The following EVI5 variants were observed in gnomAD, a reference collection of about 807,000 sequenced individuals.
EVI5 encodes ecotropic viral integration site 5 protein homolog.
In EVI5, 73 loss-of-function variants were observed where a neutral mutation model predicts 112.0. That is an observed-to-expected ratio of 0.65 (90% confidence interval 0.54 to 0.79). The LOEUF (loss-of-function observed/expected upper bound fraction) is 0.79, where lower values mean the gene tolerates loss of function less well. Among genes scored for constraint, EVI5 ranks in the 30% least tolerant of loss-of-function variants. The pLI is 0.00. For synonymous variants in EVI5, 305 were observed against 319.9 expected (o/e 0.95, Z 0.50); for missense variants, 900 against 968.8 (o/e 0.93, Z 0.94).
chr1:92,746,005 A>C (rs1256931444), intron 1 of EVI5, among the ~76,000 whole-genome samples: 2 of 152,220 alleles, frequency 1.3e-5, no homozygotes, highest in Non-Finnish European at 2.9e-5. Context: ...ACTAACTGAA[A>C]GCCTAAGTTG....
intron 11 of EVI5, among the ~76,000 whole-genome samples, chr1:92,664,485 T>TAAG (rs1553232364): frequency 6.9e-6 from 1 of 143,964 alleles, no homozygotes; most frequent in African/African-American, 2.6e-5. Context: ...TCCAAAGATT[T>TAAG]AAAAAAAAAA....
At chr1:92,703,148 A>G (rs1455128314) in intron 4 of EVI5, among the ~76,000 whole-genome samples, 2 of 152,092 alleles carry the variant, frequency 1.3e-5, no homozygotes, top group Non-Finnish European at 2.9e-5. Context: ...TCCCTCTATG[A>G]TATGTGACTT....
Position 92,703,103 on chromosome 1 carries a change from C to T in EVI5, c.564+292G>A, listed in dbSNP as rs1261084561. Among the ~76,000 whole-genome samples, 5 of 152,124 alleles carry T rather than the reference C, an allele frequency of 3.3e-5. No homozygotes were observed. The East Asian group carries it at 9.6e-4, about 29-fold the overall frequency. On this transcript the variant is annotated intron_variant, in intron 4 of 19. Transcript: ENST00000684568. ...AGAAACCCACATCCCAGGTTTTGAA[C>T]TTCACAGATGGTGAATTATTCCTTT...
At chr1:92,704,284 A>G (rs769342865) in intron 3 of EVI5, among the ~76,000 whole-genome samples, 2 of 152,234 alleles carry the variant, frequency 1.3e-5, no homozygotes, top group Non-Finnish European at 2.9e-5. Flanking sequence ...ACTGCACTCC[A>G]GCCTGAGCAA....
At chr1:92,630,581 TA>T (rs199573840) in intron 14 of EVI5, among the ~76,000 whole-genome samples, 22,254 of 152,146 alleles carry the variant, frequency 0.15, 1,953 homozygotes, top group South Asian at 0.21. Flanking sequence ...CTTCGTCAGA[TA>T]AGTAGATTGC....
chr1:92,525,191 G>A (rs767107432), intron 19 of EVI5, among the ~76,000 whole-genome samples: 2 of 151,786 alleles, frequency 1.3e-5, no homozygotes, highest in African/African-American at 2.4e-5. Flanking sequence ...CGGGGTGTGC[G>A]TGTGTGGTAG....
At chr1:92,661,249 T>C (rs1207813967) in intron 13 of EVI5, among the ~76,000 whole-genome samples, 6 of 152,020 alleles carry the variant, frequency 3.9e-5, no homozygotes, top group Non-Finnish European at 1.5e-5. Flanking sequence ...ATTCATAAAG[T>C]TATATTGGAA....
intron 14 of EVI5, among the ~76,000 whole-genome samples, chr1:92,627,185 C>G (rs1655867568): frequency 6.6e-6 from 1 of 152,142 alleles, no homozygotes. Context: ...CCCACAAGTC[C>G]TCAAAGTCCA....
At chr1:92,557,218 A>G (rs180747807) in intron 19 of EVI5, among the ~76,000 whole-genome samples, 8 of 152,232 alleles carry the variant, frequency 5.3e-5, no homozygotes, top group Admixed American at 3.9e-4. Flanking sequence ...TTTTGTTTAT[A>G]GCATACCAAA....
At chr1:92,768,325 C>T (rs1682942687) in intron 1 of EVI5, among the ~76,000 whole-genome samples, 2 of 151,744 alleles carry the variant, frequency 1.3e-5, no homozygotes, top group South Asian at 4.2e-4. Context: ...CAGAAGACGC[C>T]AAAAAAGCAT....
chr1:92,706,151 A>G (rs1370138171), intron 2 of EVI5, among the ~76,000 whole-genome samples: 1 of 152,270 alleles, frequency 6.6e-6, no homozygotes, highest in East Asian at 1.9e-4. Flanking sequence ...ACATAAAAAC[A>G]TACCAAACAG....
chr1:92,602,894 C>A (rs919184652), intron 18 of EVI5, among the ~76,000 whole-genome samples: 1 of 151,850 alleles, frequency 6.6e-6, no homozygotes, highest in Admixed American at 6.6e-5. Context: ...AAAACACTAT[C>A]AACAAAGAAA....
At chr1:92,557,320 G>C (rs1025832737) in intron 19 of EVI5, among the ~76,000 whole-genome samples, 2 of 151,358 alleles carry the variant, frequency 1.3e-5, no homozygotes, top group East Asian at 3.9e-4. Flanking sequence ...CGGAGTCTCT[G>C]TGGCCCAGGC....
rs193079171 is a variant in EVI5 at position 92,510,153 on chromosome 1, T to G, written c.*3503A>C. 39 of 152,330 alleles carry G rather than the reference T, an allele frequency of 2.6e-4. No individual in the cohort carries two copies. The highest frequency in any genetic ancestry group is 9.1e-4 in the African/African-American group (38 of 41,582). The allele number at this position is 152,330 out of a possible 1,614,324, so 9.4% of individuals were successfully genotyped here. A position where few individuals can be genotyped will look rare whatever the true frequency, so the allele number is the denominator to read the frequency against. The stretch of plus-strand genomic sequence containing the variant: ...TACAAGAGTTTCAACGGATTAAGGT[T>G]TCCTTACCATGATTCTTTTAACACC... On this transcript the variant is annotated 3_prime_UTR_variant, in exon 20 of 20. Coordinates refer to ENST00000684568, the MANE Select transcript of EVI5 (RefSeq NM_001350197.2).
intron 9 of EVI5, among the ~76,000 whole-genome samples, chr1:92,688,112 AG>A (rs1214772009): frequency 6.6e-6 from 1 of 152,236 alleles, no homozygotes; most frequent in African/African-American, 2.4e-5. Context: ...TATTTACAAT[AG>A]CAAAGACTTG....
chr1:92,552,482 T>C (rs1026905985), intron 19 of EVI5, among the ~76,000 whole-genome samples: 1 of 152,198 alleles, frequency 6.6e-6, no homozygotes, highest in Non-Finnish European at 1.5e-5. Flanking sequence ...AACTAAAAGT[T>C]CCCTGAGAGT....
In EVI5 at chr1:92,653,285, G is replaced by C. The variant is rs761756419; in HGVS notation, c.1392+9434C>G. On this transcript the variant is annotated intron_variant, in intron 13 of 19. Transcript: ENST00000684568. ...ATGGCTGGACCCAGGGAGCTGCAGGGTTCCTCGGCAACTGCTGCCCCGAAG... is the reference window on the plus strand; with the variant it reads ...ATGGCTGGACCCAGGGAGCTGCAGGCTTCCTCGGCAACTGCTGCCCCGAAG... Among the ~76,000 whole-genome samples, 57 of 152,294 alleles carry C rather than the reference G, an allele frequency of 3.7e-4. 1 individual carries two copies. Among genetic ancestry groups the C allele is most frequent in the Admixed American group, 2.0e-4 (3 of 15,308 alleles).
intron 18 of EVI5, among the ~76,000 whole-genome samples, chr1:92,566,202 G>T (rs1669456218): frequency 6.6e-6 from 1 of 151,872 alleles, no homozygotes. Context: ...CTAGAATATG[G>T]CCTGCTGAAG....
intron 19 of EVI5, among the ~76,000 whole-genome samples, chr1:92,534,427 C>A (rs920478279): frequency 1.3e-5 from 2 of 152,136 alleles, no homozygotes; most frequent in Non-Finnish European, 2.9e-5. Flanking sequence ...TTGGAAAAAA[C>A]TACTTTAAAT....
Sources: gnomAD v4.1 joint callset for allele counts (sites outside exome capture counted in the v4.1 genomes callset) on GRCh38, gnomAD v4.1.1 for gene constraint, MANE v1.5 for transcripts, NCBI Gene and HGNC (gene_info 2026-07-23, HGNC 2026-07-21) for gene names.